SOX6: variants seen among roughly 807,000 people sequenced by gnomAD.
SOX6 encodes the protein transcription factor SOX-6.
A neutral mutation model predicts 97.8 loss-of-function variants in SOX6; 11 were observed. That is an observed-to-expected ratio of 0.11 (90% confidence interval 0.07 to 0.19). The LOEUF is 0.19. Ranked by LOEUF, SOX6 falls within the 10% of genes least tolerant of loss-of-function variation. The probability of loss-of-function intolerance (pLI) is 1.00; values close to 1 mark genes in which losing one functional copy is unlikely to be tolerated. For missense variants in SOX6, 810 were observed against 1,039.5 expected (o/e 0.78, Z 3.04); for synonymous variants, 360 against 371.4 (o/e 0.97, Z 0.35).
intron 7 of SOX6, among the ~76,000 whole-genome samples, chr11:16,107,663 T>C (rs772127498): frequency 1.3e-5 from 2 of 151,920 alleles, no homozygotes; most frequent in African/African-American, 2.4e-5. Context: ...TATTATTTAA[T>C]GGCTACAGCA....
At chr11:16,407,742 T>C (rs1858717020) in intron 1 of SOX6, among the ~76,000 whole-genome samples, 1 of 152,032 alleles carries the variant, frequency 6.6e-6, no homozygotes, top group Non-Finnish European at 1.5e-5. Context: ...GCCCTGACAA[T>C]GAGGTTGCCA....
At chr11:16,405,146 T>G (rs1009163805) in intron 1 of SOX6, among the ~76,000 whole-genome samples, 1 of 151,970 alleles carries the variant, frequency 6.6e-6, no homozygotes, top group African/African-American at 2.4e-5. Context: ...GGTTTTTAAT[T>G]TTGTCAGCTT....
intron 3 of SOX6, among the ~76,000 whole-genome samples, chr11:16,256,278 T>A (rs1291040491): frequency 1.3e-5 from 2 of 151,916 alleles, no homozygotes; most frequent in Non-Finnish European, 2.9e-5. Flanking sequence ...GTAACTCTCA[T>A]GAACACAAAT....
chr11:16,674,331 AT>A (rs1847870155), intron 3 of SOX6, among the ~76,000 whole-genome samples: 1 of 152,220 alleles, frequency 6.6e-6, no homozygotes. Context: ...CCGAAAAAGC[AT>A]TTGATAAGAT....
intron 13 of SOX6, among the ~76,000 whole-genome samples, chr11:15,995,644 A>G (rs1009896843): frequency 6.6e-6 from 1 of 152,216 alleles, no homozygotes; most frequent in Non-Finnish European, 1.5e-5. Context: ...TGAGACATTC[A>G]GGGAAATGCA....
intron 3 of SOX6, among the ~76,000 whole-genome samples, chr11:16,645,778 G>A (rs1360537314): frequency 1.3e-5 from 2 of 152,130 alleles, no homozygotes; most frequent in African/African-American, 4.8e-5. Context: ...GTGGAGACTG[G>A]CCCTCTAACA....
intron 1 of SOX6, among the ~76,000 whole-genome samples, chr11:16,375,302 A>G (rs1857615498): frequency 6.6e-6 from 1 of 152,134 alleles, no homozygotes; most frequent in Admixed American, 6.6e-5. Flanking sequence ...TCCAGTTGAA[A>G]TCAGATTTTT....
intron 2 of SOX6, among the ~76,000 whole-genome samples, chr11:16,731,625 C>T (rs1159113830): frequency 1.3e-5 from 2 of 152,020 alleles, no homozygotes; most frequent in Non-Finnish European, 2.9e-5. Flanking sequence ...TATGACAAAC[C>T]CACAGCCAGT....
At chr11:16,091,803 C>A (rs1290187386) in intron 9 of SOX6, among the ~76,000 whole-genome samples, 1 of 151,936 alleles carries the variant, frequency 6.6e-6, no homozygotes, top group African/African-American at 2.4e-5. Flanking sequence ...GTGAAAATTG[C>A]ATTTATATTG....
chr11:16,477,139 A>G (rs1860266906), upstream of SOX6, among the ~76,000 whole-genome samples: 1 of 152,150 alleles, frequency 6.6e-6, no homozygotes, highest in Non-Finnish European at 1.5e-5. Flanking sequence ...AAACAAAGAA[A>G]CTTTGTTACA....
intron 4 of SOX6, among the ~76,000 whole-genome samples, chr11:16,486,598 C>T (rs890532466): frequency 1.3e-5 from 2 of 152,246 alleles, no homozygotes; most frequent in East Asian, 1.9e-4. Context: ...CGGTGGCTCA[C>T]GCCTGTAATC....
intron 9 of SOX6, among the ~76,000 whole-genome samples, chr11:16,081,033 G>A (rs1171602022): frequency 6.6e-6 from 1 of 151,986 alleles, no homozygotes; most frequent in Non-Finnish European, 1.5e-5. Context: ...AGGCTGAAGT[G>A]AGCTATGATT....
At chr11:16,372,351 G>A (rs957333658) in intron 1 of SOX6, among the ~76,000 whole-genome samples, 1 of 152,026 alleles carries the variant, frequency 6.6e-6, no homozygotes, top group East Asian at 1.9e-4. Context: ...ATAGACATAT[G>A]TATATTTTCT....
At chr11:15,980,182 T>C (rs931364630) in intron 15 of SOX6, among the ~76,000 whole-genome samples, 81 of 152,098 alleles carry the variant, frequency 5.3e-4, no homozygotes, top group African/African-American at 1.8e-3. Flanking sequence ...AGATTTGTTC[T>C]AGGAGACACG....
intron 9 of SOX6, among the ~76,000 whole-genome samples, chr11:16,076,595 C>T (rs1387292708): frequency 1.3e-5 from 2 of 152,048 alleles, no homozygotes; most frequent in Admixed American, 6.6e-5. Context: ...TTTTAATTGG[C>T]TCATGGTTCT....
chr11:16,063,496 TTATATA>T lies in SOX6; in HGVS notation c.1102-7601_1102-7596del, dbSNP rs66968164. 1.5e-3 allele frequency among the ~76,000 whole-genome samples: 52 copies of T among 35,642 alleles called. 1 individual carries two copies. Among genetic ancestry groups the T allele is most frequent in the East Asian group, 1.8e-3 (2 of 1,088 alleles). The allele number at this position is 35,642 out of a possible 152,430, so 23.4% of individuals were successfully genotyped here. A position where few individuals can be genotyped will look rare whatever the true frequency, so the allele number is the denominator to read the frequency against. ...CGATGTAACTATATTTACCATAATT[TTATATA>T]TATATATATATATATATATATATAT... On this transcript the variant is annotated intron_variant, in intron 9 of 15. Coordinates refer to ENST00000683767, the MANE Select transcript of SOX6 (RefSeq NM_001367873.1).
rs1405800680 is a variant in SOX6 at position 16,533,442 on chromosome 11, A to G, written n.610-57054T>C. Among the ~76,000 whole-genome samples, 5 of 152,126 alleles carry G rather than the reference A, an allele frequency of 3.3e-5. No homozygotes were observed. The East Asian group carries it at 9.7e-4, about 29-fold the overall frequency. On this transcript the variant is annotated intron_variant and non_coding_transcript_variant, in intron 4 of 5. Coordinates refer to the SOX6 transcript ENST00000524520. Reference sequence around the variant, plus strand: ...GAGATCTGAGAAGTCATATTCTGAAATTTGAATTCTGAAGACGTTAAAGGT... The same window carrying G: ...GAGATCTGAGAAGTCATATTCTGAAGTTTGAATTCTGAAGACGTTAAAGGT...
intron 4 of SOX6, among the ~76,000 whole-genome samples, chr11:16,505,026 A>G (rs544373415): frequency 5.3e-5 from 8 of 152,330 alleles, no homozygotes; most frequent in African/African-American, 1.9e-4. Context: ...GAAATTTGCA[A>G]AAAGGAAAGT....
chr11:16,111,612 TAA>T (rs1305294433), intron 7 of SOX6, among the ~76,000 whole-genome samples, 189 bp downstream of exon 7: 3 of 152,162 alleles, frequency 2.0e-5, no homozygotes, highest in South Asian at 2.1e-4. Flanking sequence ...GAAGAGAAAG[TAA>T]AAGTTTTTAG....
Sources: allele counts gnomAD v4.1 joint callset (sites outside exome capture counted in the v4.1 genomes callset), GRCh38; gene constraint gnomAD v4.1.1; transcripts MANE v1.5; gene names NCBI Gene and HGNC (gene_info 2026-07-23, HGNC 2026-07-21).